TASOR2: variants seen among roughly 807,000 people sequenced by gnomAD.
The protein encoded by TASOR2 is transcription activation suppressor family member 2.
A neutral mutation model predicts 199.5 loss-of-function variants in TASOR2; 84 were observed. The ratio of observed to expected loss-of-function variants is 0.42; its 90% CI spans 0.35 to 0.50. The LOEUF (loss-of-function observed/expected upper bound fraction) is 0.50. Among genes scored for constraint, TASOR2 ranks in the 20% least tolerant of loss-of-function variants. The probability of loss-of-function intolerance (pLI) is 0.02; values close to 1 mark genes in which losing one functional copy is unlikely to be tolerated. For synonymous variants in TASOR2, 1,103 were observed against 1,046.6 expected, an observed-to-expected ratio of 1.05 and a Z score of -1.04; for missense variants, 2,796 against 2,835.9, an observed-to-expected ratio of 0.99 and a Z score of 0.32.
chr10:5,717,017 G>A (rs1832745410), intron 2 of TASOR2, among the ~76,000 whole-genome samples: 1 of 114,168 alleles, frequency 8.8e-6, no homozygotes, highest in African/African-American at 3.4e-5. Flanking sequence ...AACCACTGCA[G>A]CTTACATCTC....
rs1268485320 is a variant in TASOR2 at position 5,722,448 on chromosome 10, C to T, written c.147-1229C>T. 1.3e-5 allele frequency among the ~76,000 whole-genome samples: 2 copies of T among 150,988 alleles called. No homozygotes were observed. Among genetic ancestry groups the T allele is most frequent in the African/African-American group, 4.9e-5 (2 of 41,008 alleles). On this transcript the variant is annotated intron_variant, in intron 6 of 20. Coordinates refer to ENST00000328090, the Ensembl canonical transcript of TASOR2. The surrounding 1 kb of genome is among the most constrained non-coding windows in gnomAD (Gnocchi z 4.0). ...TCCAGCCTGGGCGACAGAGTGAAAC[C>T]TTATCTCAAAAAAAGAAAAGAAAAA...
chr10:5,760,609 TAGAA>T (rs1290205325), intron 18 of TASOR2, among the ~76,000 whole-genome samples: 2 of 152,198 alleles, frequency 1.3e-5, no homozygotes, highest in African/African-American at 2.4e-5. Flanking sequence ...TTTCTATTCA[TAGAA>T]AGAGGGATGG....
At chr10:5,734,616 G>A (rs1025145355) in intron 11 of TASOR2, among the ~76,000 whole-genome samples, 1 of 152,008 alleles carries the variant, frequency 6.6e-6, no homozygotes, top group East Asian at 1.9e-4. Flanking sequence ...CCTTATGGAA[G>A]CTGTGCTGCT....
chr10:5,720,391 GAGTCAGGTAT>G lies in TASOR2; in HGVS notation c.-99-149_-99-140del, dbSNP rs1221622896. 6.1e-6 allele frequency: 6 copies of G among 985,178 alleles called. No individual in the cohort carries two copies. In the East Asian group the frequency reaches 4.5e-4, roughly 74 times the overall value. The allele number at this position is 985,178 out of a possible 1,614,324, so 61.0% of individuals were successfully genotyped here. A position where few individuals can be genotyped will look rare whatever the true frequency, so the allele number is the denominator to read the frequency against. On this transcript the variant is annotated intron_variant, in intron 3 of 20. Coordinates refer to ENST00000328090, the Ensembl canonical transcript of TASOR2. This position sits in a 1 kb window ranked among gnomAD's most constrained non-coding sequence, Gnocchi z 5.3. ...CGAGTCATTTTCGTGCCTTTGAACT[GAGTCAGGTAT>G]AGTTACCTGTGAATGAGTAACACCC... is the stretch of plus-strand genomic sequence containing the variant.
In TASOR2 at chr10:5,750,831, ATAATAT is replaced by A. The variant is rs1276228854; in HGVS notation, c.6606+809_6606+814del. ...CAACCCTGTGCATCAGGAAGTTCATATAATATTAATTAAAGTGACCATCTCCATTAA... is the reference window on the plus strand; with the variant it reads ...CAACCCTGTGCATCAGGAAGTTCATATAATTAAAGTGACCATCTCCATTAA... On this transcript the variant is annotated intron_variant, in intron 15 of 20. Transcript: ENST00000328090. The surrounding 1 kb of genome is among the most constrained non-coding windows in gnomAD (Gnocchi z 5.4). Among the ~76,000 whole-genome samples, 1 of 152,242 alleles carries A rather than the reference ATAATAT, an allele frequency of 6.6e-6. No individual in the cohort carries two copies. Among genetic ancestry groups the A allele is most frequent in the African/African-American group, 2.4e-5 (1 of 41,468 alleles).
intron 1 of TASOR2, among the ~76,000 whole-genome samples, chr10:5,711,488 T>TA (rs1172654706): frequency 2.0e-5 from 3 of 152,134 alleles, no homozygotes; most frequent in Admixed American, 2.0e-4. Flanking sequence ...ACTAGGTTTG[T>TA]AAAACCCCCC....
At chr10:5,705,634 A>C (rs1170906733) in intron 1 of TASOR2, among the ~76,000 whole-genome samples, 1 of 152,166 alleles carries the variant, frequency 6.6e-6, no homozygotes, top group Non-Finnish European at 1.5e-5. Context: ...ATCCTTGCCA[A>C]CGCTTGGTAT....
Position 5,702,634 on chromosome 10 carries a change from CATT to C in TASOR2, c.-287-10188_-287-10186del, listed in dbSNP as rs1192155097. On this transcript the variant is annotated intron_variant, in intron 1 of 20. Transcript: ENST00000328090. The stretch of plus-strand genomic sequence containing the variant: ...GCTTTGATCTCATTACTAAAATGGT[CATT>C]TTTTTTTTTTTTTTTTTTTTTTTTG... Among the ~76,000 whole-genome samples the C allele has an allele frequency of 9.7e-4, 93 of 96,314 alleles. 1 individual carries two copies. Among genetic ancestry groups the C allele is most frequent in the African/African-American group, 3.3e-3 (86 of 25,794 alleles). 63.2% of individuals were successfully genotyped at this position (96,314 alleles called of 152,430 possible).
chr10:5,756,894 A>G (rs777506598), intron 16 of TASOR2, among the ~76,000 whole-genome samples, 156 bp downstream of exon 17: 3 of 152,202 alleles, frequency 2.0e-5, no homozygotes, highest in Non-Finnish European at 2.9e-5. Flanking sequence ...GAATACTGCA[A>G]TATTACCAAG....
At position 5,689,050 on chromosome 10, in the gene TASOR2, A is replaced by T. The variant is rs1255162777; in HGVS notation, c.-288+3875A>T. Among the ~76,000 whole-genome samples, 1 of 152,118 alleles carries T rather than the reference A, an allele frequency of 6.6e-6. No homozygotes were observed. The highest frequency in any genetic ancestry group is 1.5e-5 in the Non-Finnish European group (1 of 68,014). On this transcript the variant is annotated intron_variant, in intron 1 of 20. Coordinates refer to ENST00000328090, the Ensembl canonical transcript of TASOR2. The surrounding 1 kb of genome is among the most constrained non-coding windows in gnomAD (Gnocchi z 4.1). ...AATGGCTTTTATTGAAGATCTATTG[A>T]TGATGAACACTCAGTTTTTGTTCAC...
At chr10:5,724,299 C>A in intron 7 of TASOR2, 131 bp from the exon 9 acceptor site, 1 of 414,344 alleles carries the variant, frequency 2.4e-6, no homozygotes, top group Non-Finnish European at 4.5e-6. Context: ...TAACCAAGAA[C>A]AGTAAATGAT....
At chr10:5,745,804 A>T (rs1837106218) in intron 14 of TASOR2, among the ~76,000 whole-genome samples, 1 of 152,152 alleles carries the variant, frequency 6.6e-6, no homozygotes, top group Non-Finnish European at 1.5e-5. Flanking sequence ...AATCTCATTT[A>T]TTAAAAACAA....
rs1475977772 is a variant in TASOR2, at chr10:5,742,121, T to A, written c.2352T>A (p.Asp784Glu). Residue 784 changes from aspartate to glutamate, a missense_variant, in exon 14 of 21, where the codon GAT (aspartate) becomes GAA (glutamate). Asp to Glu is a conservative substitution (Grantham distance 45). Transcript: ENST00000328090. This position sits in a 1 kb window ranked among gnomAD's most constrained non-coding sequence, Gnocchi z 4.2. ...GGCCCTGGAATACTGATTTGCCTGATAATGTGGAAGAAGTGAAGCTTTTAC... is the reference window on the plus strand; with the variant it reads ...GGCCCTGGAATACTGATTTGCCTGAAAATGTGGAAGAAGTGAAGCTTTTAC... 6.2e-7 allele frequency: 1 copy of A among 1,613,990 alleles called. No homozygotes were observed. Among genetic ancestry groups the A allele is most frequent in the Non-Finnish European group, 8.5e-7 (1 of 1,180,004 alleles).
chr10:5,760,208 C>G (rs1008429265), intron 18 of TASOR2, among the ~76,000 whole-genome samples: 9 of 152,176 alleles, frequency 5.9e-5, no homozygotes, highest in Admixed American at 2.6e-4. Flanking sequence ...ATGGTGGTAT[C>G]TGTGTGTCTA....
Position 5,762,526 on chromosome 10 carries a change from T to TTTTTTTA in TASOR2, c.7175-6_7175-5insTTTTTTA. 7.1e-6 allele frequency: 5 copies of TTTTTTTA among 699,648 alleles called. No homozygotes were observed. Among genetic ancestry groups the TTTTTTTA allele is most frequent in the African/African-American group, 1.9e-5 (1 of 53,314 alleles). The allele number at this position is 699,648 out of a possible 1,614,324, so 43.3% of individuals were successfully genotyped here. ...ACCAAAAGTTGTTTTTTTTTTTTTT[T>TTTTTTTA]AACAGACAAGCCTACTATCCCCAGA... On this transcript the variant is annotated splice_region_variant and splice_polypyrimidine_tract_variant and intron_variant, in intron 19 of 20. Transcript: ENST00000328090.
At chr10:5,746,772 A>G (rs767371017) in exon 15 of TASOR2, 1 of 1,614,194 alleles carries the variant, frequency 6.2e-7, no homozygotes, top group South Asian at 1.1e-5. Context: ...TAGTTGCAGG[A>G]CAGAAGGGCA....
intron 14 of TASOR2, among the ~76,000 whole-genome samples, chr10:5,744,414 T>G (rs1836879645): frequency 6.6e-6 from 1 of 152,228 alleles, no homozygotes. Context: ...CTGATTCTCC[T>G]GCCTCAGCCT....
chr10:5,761,617 G>GA (rs1244260506), intron 19 of TASOR2, 146 bp downstream of exon 20: 5 of 662,700 alleles, frequency 7.5e-6, no homozygotes, highest in Non-Finnish European at 1.3e-5. Context: ...TGCTGAAGCT[G>GA]AAGCCCTTAT....
rs543381613 is a variant in TASOR2, at chr10:5,685,976, T to C, written c.-288+801T>C. ...GAATGGCATTCGCGATCCTAGAGTC[T>C]ACAGTGTTCCCTGAATAAAACTAGG... On this transcript the variant is annotated intron_variant, in intron 1 of 20. Transcript: ENST00000328090. The surrounding 1 kb of genome is among the most constrained non-coding windows in gnomAD (Gnocchi z 5.4). 2.6e-5 allele frequency among the ~76,000 whole-genome samples: 4 copies of C among 152,344 alleles called. No homozygotes were observed. Among genetic ancestry groups the C allele is most frequent in the Non-Finnish European group, 5.9e-5 (4 of 68,026 alleles).
Sources: gnomAD v4.1 joint callset for allele counts (sites outside exome capture counted in the v4.1 genomes callset) on GRCh38, gnomAD v4.1.1 for gene constraint, Gnocchi (gnomAD v3.1) non-coding constraint, MANE v1.5 for transcripts, NCBI Gene and HGNC (gene_info 2026-07-23, HGNC 2026-07-21) for gene names.